The following GABRG3 variants were observed in gnomAD, a reference collection of about 807,000 sequenced individuals.
GABRG3 encodes gamma-aminobutyric acid receptor subunit gamma-3.
GABRG3 carries 25 observed loss-of-function variants against 48.8 expected under a neutral mutation model. That is an observed-to-expected ratio of 0.51 (90% CI 0.37 to 0.72). GABRG3 has a LOEUF of 0.72. GABRG3 is among the 30% of genes least tolerant of loss of function. GABRG3 has a pLI of 0.00. For synonymous variants in GABRG3, 227 were observed against 217.6 expected (o/e 1.04, Z -0.38); for missense variants, 394 against 577.9 (o/e 0.68, Z 3.26).
At chr15:27,031,170 C>G (rs1429650006) in intron 3 of GABRG3, among the ~76,000 whole-genome samples, 1 of 152,018 alleles carries the variant, frequency 6.6e-6, no homozygotes, top group Non-Finnish European at 1.5e-5. Flanking sequence ...CTTAATCCAT[C>G]TTTATCATGC....
At chr15:27,450,182 C>G (rs1231638045) in intron 5 of GABRG3, among the ~76,000 whole-genome samples, 1 of 152,188 alleles carries the variant, frequency 6.6e-6, no homozygotes, top group Non-Finnish European at 1.5e-5. Flanking sequence ...AAAAACCTGT[C>G]TTTTGCAACT....
chr15:27,205,071 A>G (rs1056584899), intron 3 of GABRG3, among the ~76,000 whole-genome samples: 3 of 151,576 alleles, frequency 2.0e-5, no homozygotes, highest in African/African-American at 7.3e-5. Context: ...TTATTGCTCT[A>G]TCTAGGACTT....
Position 27,084,737 on chromosome 15 carries a change from C to T in GABRG3, c.270+57916C>T, listed in dbSNP as rs559649851. The stretch of plus-strand genomic sequence containing the variant: ...CCTCAGCCACATGGAACAGACTCTA[C>T]GCTAGTTTTACCTGGATTCAGCAAC... On this transcript the variant is annotated intron_variant, in intron 3 of 9. Transcript: ENST00000615808. Among the ~76,000 whole-genome samples the T allele has an allele frequency of 1.8e-4, 27 of 152,318 alleles. 1 individual carries two copies. The highest frequency in any genetic ancestry group is 1.2e-3 in the South Asian group (6 of 4,824).
chr15:27,349,139 C>T (rs1894472496), intron 5 of GABRG3, among the ~76,000 whole-genome samples: 1 of 152,010 alleles, frequency 6.6e-6, no homozygotes, highest in Non-Finnish European at 1.5e-5. Flanking sequence ...ATTTGATGTT[C>T]ATATGATTGG....
At chr15:27,062,453 A>AAAAAAAAAAAAAAAAAAAAAAAAAG (rs1896665468) in intron 3 of GABRG3, among the ~76,000 whole-genome samples, 1 of 141,292 alleles carries the variant, frequency 7.1e-6, no homozygotes. Context: ...AAAAAAAAAA[A>AAAAAAAAAAAAAAAAAAAAAAAAAG]AAAAATTAGC....
chr15:27,415,753 A>G (rs1057199065), intron 5 of GABRG3, among the ~76,000 whole-genome samples: 1 of 152,194 alleles, frequency 6.6e-6, no homozygotes, highest in African/African-American at 2.4e-5. Flanking sequence ...CTGTGAAAGG[A>G]AAACTTAAGA....
At chr15:27,026,586 A>G (rs1307077899) in intron 2 of GABRG3, among the ~76,000 whole-genome samples, 168 bp from the exon 3 acceptor site, 1 of 152,236 alleles carries the variant, frequency 6.6e-6, no homozygotes, top group East Asian at 1.9e-4. Context: ...AAAGAAAGGC[A>G]GGCAGGGCTT....
chr15:27,233,599 A>G (rs757801226), intron 3 of GABRG3, among the ~76,000 whole-genome samples: 12 of 152,250 alleles, frequency 7.9e-5, no homozygotes, highest in Non-Finnish European at 5.9e-5. Flanking sequence ...CTCCACCCTC[A>G]TGACCTAATT....
intron 6 of GABRG3, among the ~76,000 whole-genome samples, chr15:27,514,922 G>A (rs1314231706): frequency 3.3e-5 from 5 of 152,104 alleles, no homozygotes; most frequent in African/African-American, 1.2e-4. Flanking sequence ...TTGCATAGAA[G>A]GAAAACTAGG....
intron 6 of GABRG3, among the ~76,000 whole-genome samples, chr15:27,500,283 G>C (rs974184811): frequency 1.3e-5 from 2 of 152,142 alleles, no homozygotes; most frequent in African/African-American, 4.8e-5. Flanking sequence ...AGCAGGCACT[G>C]TTGCTAGAGG....
intron 5 of GABRG3, chr15:27,366,123 T>C (rs1895190889): frequency 1.3e-5 from 2 of 152,124 alleles, no homozygotes; most frequent in South Asian, 2.1e-4. Flanking sequence ...TTCTTTCAGG[T>C]TTAGGCATCT....
intron 3 of GABRG3, among the ~76,000 whole-genome samples, chr15:27,294,449 C>A (rs1011355245): frequency 1.3e-5 from 2 of 152,088 alleles, no homozygotes; most frequent in African/African-American, 4.8e-5. Flanking sequence ...GCTCTTGGGT[C>A]AAGGGATCCT....
At chr15:26,981,912 AT>A (rs1895062411) in intron 2 of GABRG3, among the ~76,000 whole-genome samples, 1 of 152,164 alleles carries the variant, frequency 6.6e-6, no homozygotes, top group Non-Finnish European at 1.5e-5. Flanking sequence ...TTCAAAATCC[AT>A]GTGTGTAGTG....
In GABRG3 at chr15:27,049,779, G is replaced by C. The variant is rs761239649; in HGVS notation, c.270+22958G>C. On this transcript the variant is annotated intron_variant, in intron 3 of 9. Transcript: ENST00000615808. Reference sequence around the variant, plus strand: ...AAGAAAGGATGAGTGATGCGTGCACGCTGCTAGACCAGGAGAAGAGCAGGG... The same window carrying C: ...AAGAAAGGATGAGTGATGCGTGCACCCTGCTAGACCAGGAGAAGAGCAGGG... 7.2e-5 allele frequency among the ~76,000 whole-genome samples: 11 copies of C among 152,328 alleles called. No individual in the cohort carries two copies. In the East Asian group the frequency reaches 2.1e-3, roughly 29 times the overall value.
chr15:27,490,478 T>G (rs1047741090), intron 6 of GABRG3, among the ~76,000 whole-genome samples: 1 of 152,208 alleles, frequency 6.6e-6, no homozygotes, highest in Non-Finnish European at 1.5e-5. Flanking sequence ...ATTTTCCATC[T>G]TAGTCAACAC....
At chr15:27,276,694 G>A (rs979785058) in intron 3 of GABRG3, among the ~76,000 whole-genome samples, 1 of 152,128 alleles carries the variant, frequency 6.6e-6, no homozygotes, top group Non-Finnish European at 1.5e-5. Context: ...GTGGCGTGGT[G>A]CAGGTCTGTG....
intron 5 of GABRG3, among the ~76,000 whole-genome samples, chr15:27,427,407 T>G (rs532990409): frequency 6.6e-6 from 1 of 152,324 alleles, no homozygotes; most frequent in African/African-American, 2.4e-5. Flanking sequence ...AGGTTCCGCC[T>G]TGTGCATTTG....
chr15:27,237,639 G>T (rs1890014720), intron 3 of GABRG3, among the ~76,000 whole-genome samples: 1 of 152,338 alleles, frequency 6.6e-6, no homozygotes. Context: ...GCAAAGTAAT[G>T]TATTAAACTG....
At chr15:27,101,543 A>T (rs1897356972) in intron 3 of GABRG3, among the ~76,000 whole-genome samples, 1 of 152,220 alleles carries the variant, frequency 6.6e-6, no homozygotes, top group Non-Finnish European at 1.5e-5. Context: ...AAGCTATATT[A>T]TATAGCTACA....
Sources: gnomAD v4.1 joint callset for allele counts (sites outside exome capture counted in the v4.1 genomes callset) on GRCh38, gnomAD v4.1.1 for gene constraint, MANE v1.5 for transcripts, NCBI Gene and HGNC (gene_info 2026-07-23, HGNC 2026-07-21) for gene names.